Variants in ABCC2 observed in about 807,000 individuals in gnomAD.
The protein encoded by ABCC2 is ATP binding cassette subfamily C member 2.
In ABCC2, 157 loss-of-function variants were observed where a neutral mutation model predicts 173.4. The observed-to-expected ratio is 0.91, with a 90% CI of 0.80 to 1.03. The LOEUF (loss-of-function observed/expected upper bound fraction) is 1.03, where lower values mean the gene tolerates loss of function less well. ABCC2 is among the 50% of genes least tolerant of loss of function. The pLI, the probability that ABCC2 is intolerant of heterozygous loss-of-function variation, is 0.00. For synonymous variants in ABCC2, 657 were observed against 693.5 expected, an observed-to-expected ratio of 0.95 and a Z score of 0.83; for missense variants, 1,822 against 1,852.3, an observed-to-expected ratio of 0.98 and a Z score of 0.30.
rs2038244158 is a variant in ABCC2, at chr10:99,813,046, C to CT, written c.1998dup (p.Val667CysfsTer60). On this transcript the variant is annotated frameshift_variant, in exon 16 of 32. Coordinates refer to ENST00000647814, the MANE Select transcript of ABCC2 (RefSeq NM_000392.5). LOFTEE classifies it high-confidence loss of function. ...GAACCTGGACATTATGGCAGGCCAA[C>CT]TTGTGGCTGTGATAGGCCCTGTCGG... is the stretch of plus-strand genomic sequence containing the variant. The CT allele has an allele frequency of 6.2e-7, 1 of 1,614,048 alleles. No individual in the cohort carries two copies. Among genetic ancestry groups the CT allele is most frequent in the South Asian group, 1.1e-5 (1 of 91,088 alleles).
chr10:99,833,563 AAG>A (rs745584392), intron 23 of ABCC2, among the ~76,000 whole-genome samples: 1 of 152,166 alleles, frequency 6.6e-6, no homozygotes, highest in African/African-American at 2.4e-5. Context: ...TGTGCCAGGT[AAG>A]GATCAAAAGT....
At chr10:99,844,231 C>T in intron 27 of ABCC2, 91 bp from the exon 28 acceptor site, 1 of 1,516,294 alleles carries the variant, frequency 6.6e-7, no homozygotes, top group Non-Finnish European at 9.1e-7. Flanking sequence ...CACTGCTACC[C>T]TTCTCCTGTT....
Position 99,811,521 on chromosome 10 carries a change from G to C in ABCC2, c.1901-15G>C. On this transcript the variant is annotated splice_polypyrimidine_tract_variant and intron_variant, in intron 14 of 31. Transcript: ENST00000647814. ...GGGACCTACATTGGACTAAAAGAGG[G>C]CTTTTTCTCAACAGACAAAGCCATG... The C allele has an allele frequency of 2.5e-6, 4 of 1,614,006 alleles. No individual in the cohort carries two copies. The highest frequency in any genetic ancestry group is 3.4e-6 in the Non-Finnish European group (4 of 1,179,936).
At chr10:99,807,300 T>G in intron 11 of ABCC2, 84 bp from the exon 12 acceptor site, 1 of 1,552,248 alleles carries the variant, frequency 6.4e-7, no homozygotes, top group Non-Finnish European at 8.9e-7. Flanking sequence ...TTGGGGACTA[T>G]ATCTTAAAAC....
chr10:99,822,437 G>A (rs574953996), intron 19 of ABCC2, among the ~76,000 whole-genome samples: 2,343 of 151,510 alleles, frequency 0.015, 93 homozygotes, highest in African/African-American at 0.053. Context: ...TGGTGTCTCC[G>A]TCTCCGCGGA....
chr10:99,797,637 G>T, intron 7 of ABCC2: 1 of 365,254 alleles, frequency 2.7e-6, no homozygotes, highest in Non-Finnish European at 5.2e-6. Flanking sequence ...CAGGCAATTT[G>T]TTGATTCATT....
chr10:99,799,277 C>T lies in ABCC2; in HGVS notation c.938C>T (p.Ala313Val). 2 of 1,614,138 alleles carry T rather than the reference C, an allele frequency of 1.2e-6. No homozygotes were observed. Among genetic ancestry groups the T allele is most frequent in the African/African-American group, 1.3e-5 (1 of 75,036 alleles). The change falls in exon 8 of 32, where the codon GCT (alanine) becomes GTT (valine). Residue 313 changes from alanine to valine, a missense_variant. Transcript: ENST00000647814. ...GTTCCAAAATCCTGGTTGATGAAGG[C>T]TCTGTTCAAAACTTTCTACATGGTG... ...KDVPKSWLMK[A>V]LFKTFYMVLL...
At chr10:99,804,308 T>C (rs748955368) in intron 10 of ABCC2, 35 bp downstream of exon 10, 5 of 1,613,312 alleles carry the variant, frequency 3.1e-6, no homozygotes, top group Non-Finnish European at 3.4e-6. Context: ...ATATAAGCTT[T>C]CTTTAAAGTG....
Position 99,792,289 on chromosome 10 carries a change from C to G in ABCC2, c.263C>G (p.Thr88Arg), listed in dbSNP as rs1564669915. Residue 88 changes from threonine to arginine, a missense_variant, in exon 3 of 32, where the codon ACA becomes AGA. Coordinates refer to ENST00000647814, the MANE Select transcript of ABCC2 (RefSeq NM_000392.5). ...GCCATAGAGCTGGCCCTTGTACTCA[C>G]AGAAGACTCTGGACAAGCCACAGTC... ...LAAIELALVL[T>R]EDSGQATVPA... is the part of the protein sequence containing the mutation. 1 of 1,614,130 alleles carries G rather than the reference C, an allele frequency of 6.2e-7. No homozygotes were observed. Among genetic ancestry groups the G allele is most frequent in the Non-Finnish European group, 8.5e-7 (1 of 1,179,990 alleles).
intron 5 of ABCC2, 55 bp from the exon 6 acceptor site, chr10:99,794,358 C>T (rs770307461): frequency 3.4e-6 from 5 of 1,462,200 alleles, no homozygotes; most frequent in Non-Finnish European, 4.8e-6. Flanking sequence ...TTTTAGAGTC[C>T]CATGAAGTTC....
rs1390357183 is a variant in ABCC2, at chr10:99,800,414, G to GGATATCC, written c.1060_1061insGATATCC (p.Asp354GlyfsTer51). ...GCTGATCTCCTTTGCAAGTGACCGT[G>GGATATCC]ACACATATTTGTGGATTGGATATCT... On this transcript the variant is annotated frameshift_variant, in exon 9 of 32. Transcript: ENST00000647814. LOFTEE classifies it high-confidence loss of function. 8 of 1,614,036 alleles carry GGATATCC rather than the reference G, an allele frequency of 5.0e-6. No homozygotes were observed. The Admixed American group carries it at 1.3e-4, about 27-fold the overall frequency.
Position 99,811,562 on chromosome 10 carries a change from T to A in ABCC2, c.1927T>A (p.Ser643Thr). Residue 643 changes from serine to threonine, a missense_variant, in exon 15 of 32, where the codon TCC becomes ACC. Transcript: ENST00000647814. Reference sequence around the variant, plus strand: ...CAAAGCCATGCAGTTTTCTGAGGCCTCCTTTACCTGGGAACATGATTCGGA... The same window carrying A: ...CAAAGCCATGCAGTTTTCTGAGGCCACCTTTACCTGGGAACATGATTCGGA... ...FDKAMQFSEA[S>T]FTWEHDSEAT... The A allele has an allele frequency of 6.2e-7, 1 of 1,614,110 alleles. No homozygotes were observed. The highest frequency in any genetic ancestry group is 8.5e-7 in the Non-Finnish European group (1 of 1,180,008).
chr10:99,825,768 G>A (rs1196633802), intron 19 of ABCC2, among the ~76,000 whole-genome samples: 1 of 152,130 alleles, frequency 6.6e-6, no homozygotes, highest in Non-Finnish European at 1.5e-5. Context: ...GGGATTTTTT[G>A]TGGGGGCTCC....
At chr10:99,845,442 T>G (rs971544062) in intron 28 of ABCC2, among the ~76,000 whole-genome samples, 182 bp from the exon 29 acceptor site, 16 of 152,222 alleles carry the variant, frequency 1.1e-4, no homozygotes, top group Non-Finnish European at 1.8e-4. Flanking sequence ...CAATGATTTT[T>G]GGCATCTTTT....
At chr10:99,847,943 A>G (rs1044128807) in intron 30 of ABCC2, among the ~76,000 whole-genome samples, 11 of 152,118 alleles carry the variant, frequency 7.2e-5, no homozygotes, top group Non-Finnish European at 2.9e-5. Flanking sequence ...ACAAACAAAA[A>G]ACCTTTGTTA....
chr10:99,814,767 A>G lies in ABCC2; in HGVS notation c.2094+1623A>G, dbSNP rs140895699. Among the ~76,000 whole-genome samples the G allele has an allele frequency of 1.6e-3, 202 of 129,068 alleles. 2 individuals carry two copies. Among genetic ancestry groups the G allele is most frequent in the African/African-American group, 4.3e-3 (133 of 30,898 alleles). The allele number at this position is 129,068 out of a possible 152,430, so 84.7% of individuals were successfully genotyped here. A position where few individuals can be genotyped will look rare whatever the true frequency, so the allele number is the denominator to read the frequency against. Reference sequence around the variant, plus strand: ...TATGTATGTATATACACACACATATATGTGTGTGTATGTATATACACACAC... The same window carrying G: ...TATGTATGTATATACACACACATATGTGTGTGTGTATGTATATACACACAC... On this transcript the variant is annotated intron_variant, in intron 16 of 31. Transcript: ENST00000647814.
chr10:99,803,193 T>C (rs1031470217), intron 9 of ABCC2, among the ~76,000 whole-genome samples: 17 of 152,210 alleles, frequency 1.1e-4, no homozygotes, highest in Non-Finnish European at 1.0e-4. Flanking sequence ...GGTCTTGAAC[T>C]CCTGACCTCA....
rs1564684750 is a variant in ABCC2, at chr10:99,814,378, C to CACGTATGTATACACACATGCAT, written c.2094+1235_2094+1236insCGTATGTATACACACATGCATA. On this transcript the variant is annotated intron_variant, in intron 16 of 31. Transcript: ENST00000647814. ...ATGTATACACACATGTATATATACACATATATACATATATGGGTATATATA... is the reference window on the plus strand; with the variant it reads ...ATGTATACACACATGTATATATACACACGTATGTATACACACATGCATATATATACATATATGGGTATATATA... 1.2e-4 allele frequency among the ~76,000 whole-genome samples: 3 copies of CACGTATGTATACACACATGCAT among 24,096 alleles called. 1 individual carries two copies. In the East Asian group the frequency reaches 0.011, roughly 88 times the overall value. The allele number at this position is 24,096 out of a possible 152,430, so 15.8% of individuals were successfully genotyped here.
rs758660494 is a variant in ABCC2 at position 99,819,007 on chromosome 10, G to A, written c.2439+50G>A. On this transcript the variant is annotated intron_variant, in intron 18 of 31. Coordinates refer to ENST00000647814, the MANE Select transcript of ABCC2 (RefSeq NM_000392.5). ...AGATATAAAGGTGGGGTGGGAGGGA[G>A]AGGGGAGGACATGTCTGGCAAGTAA... 1.1e-5 allele frequency: 17 copies of A among 1,604,154 alleles called. No individual in the cohort carries two copies. In the South Asian group the frequency reaches 1.9e-4, roughly 18 times the overall value.
Sources: gnomAD v4.1 joint callset for allele counts (sites outside exome capture counted in the v4.1 genomes callset) on GRCh38, gnomAD v4.1.1 for gene constraint, MANE v1.5 for transcripts, NCBI Gene and HGNC (gene_info 2026-07-23, HGNC 2026-07-21) for gene names.